The following LNX1 variants were observed in gnomAD, a reference collection of about 807,000 sequenced individuals.
LNX1 encodes the protein E3 ubiquitin-protein ligase LNX.
In LNX1, 54 loss-of-function variants were observed where a neutral mutation model predicts 68.4. The observed-to-expected ratio is 0.79, with a 90% CI of 0.63 to 0.99. LNX1 has a LOEUF of 0.99. Among genes scored for constraint, LNX1 ranks in the 50% least tolerant of loss-of-function variants. The probability of loss-of-function intolerance (pLI) is 0.00; values close to 1 mark genes in which losing one functional copy is unlikely to be tolerated. For missense variants in LNX1, 906 were observed against 926.4 expected (o/e 0.98, Z 0.29); for synonymous variants, 336 against 350.0 (o/e 0.96, Z 0.45).
At chr4:53,472,968 A>C (rs1441640519) in intron 9 of LNX1, among the ~76,000 whole-genome samples, 1 of 152,226 alleles carries the variant, frequency 6.6e-6, no homozygotes, top group Non-Finnish European at 1.5e-5. Context: ...GCCAAGTAGA[A>C]AGAAGTTTTT....
At chr4:53,480,576 A>G (rs1204155231) in intron 7 of LNX1, among the ~76,000 whole-genome samples, 1 of 152,210 alleles carries the variant, frequency 6.6e-6, no homozygotes, top group Admixed American at 6.5e-5. Context: ...GACATCACGG[A>G]GTCCTTATCC....
At chr4:53,511,522 C>T (rs531336204) in intron 2 of LNX1, among the ~76,000 whole-genome samples, 28 of 152,260 alleles carry the variant, frequency 1.8e-4, no homozygotes, top group Admixed American at 1.6e-3. Context: ...TCAACCAAAG[C>T]ACAAGCTTTG....
chr4:53,508,911 T>C (rs1365409505), intron 2 of LNX1, among the ~76,000 whole-genome samples: 2 of 149,722 alleles, frequency 1.3e-5, no homozygotes, highest in African/African-American at 4.9e-5. Flanking sequence ...AAAAACATAT[T>C]TGTCTCTACC....
At chr4:53,535,461 CAA>C (rs1480320335) in intron 2 of LNX1, among the ~76,000 whole-genome samples, 1 of 152,184 alleles carries the variant, frequency 6.6e-6, no homozygotes, top group Non-Finnish European at 1.5e-5. Context: ...GGGTACATGA[CAA>C]ATCAATCTAA....
chr4:53,595,452 T>A (rs1732705688), upstream of LNX1, among the ~76,000 whole-genome samples: 1 of 152,190 alleles, frequency 6.6e-6, no homozygotes, highest in Admixed American at 6.5e-5. Flanking sequence ...ATCTTGGGCA[T>A]GGGGTAATTT....
At chr4:53,478,353 G>A (rs981993956) in intron 8 of LNX1, among the ~76,000 whole-genome samples, 1 of 151,420 alleles carries the variant, frequency 6.6e-6, no homozygotes, top group Non-Finnish European at 1.5e-5. Context: ...GGAGATTCTA[G>A]CTTTACTTGC....
intron 2 of LNX1, among the ~76,000 whole-genome samples, chr4:53,557,345 G>C (rs1023007374): frequency 7.9e-5 from 12 of 152,102 alleles, no homozygotes; most frequent in African/African-American, 2.9e-4. Flanking sequence ...GGTGCTCAAG[G>C]CATGTTTCTT....
intron 2 of LNX1, among the ~76,000 whole-genome samples, chr4:53,527,485 A>G (rs1727704024): frequency 6.6e-6 from 1 of 151,958 alleles, no homozygotes; most frequent in Admixed American, 6.5e-5. Context: ...CCTGGTGCTG[A>G]CTCTGTTATT....
chr4:53,504,136 C>T (rs1372965579), intron 4 of LNX1, among the ~76,000 whole-genome samples: 4 of 151,820 alleles, frequency 2.6e-5, no homozygotes, highest in African/African-American at 9.7e-5. Context: ...GAGACTCCGT[C>T]TCAAAAAAAA....
chr4:53,555,533 T>G (rs1041610377), intron 2 of LNX1, among the ~76,000 whole-genome samples: 2 of 152,192 alleles, frequency 1.3e-5, no homozygotes, highest in Admixed American at 1.3e-4. Flanking sequence ...ATATCTCTTA[T>G]GTGTATAAAT....
rs754249617 is a variant in LNX1, at chr4:53,573,653, C to T, written c.350G>A (p.Arg117His). 1.2e-5 allele frequency: 20 copies of T among 1,604,910 alleles called. No homozygotes were observed. The highest frequency in any genetic ancestry group is 1.6e-4 in the Middle Eastern group (1 of 6,072). ...TTGAAAGTGATGCTCGAGGTCACAG[C>T]GCTGCAACACCTGGGTGCAGTGCTC... ...FREHCTQVLQ[R>H]CDLEHHFQTS... The change falls in exon 2 of 11, where the codon CGC (arginine) becomes CAC (histidine). Residue 117 changes from arginine (R) to histidine (H), a missense_variant. Physicochemically the swap from Arg to His is conservative, Grantham distance 29 (BLOSUM62 0). Transcript: ENST00000263925.
At chr4:53,638,754 C>T (rs899600354) in intron 1 of LNX1, among the ~76,000 whole-genome samples, 8 of 152,118 alleles carry the variant, frequency 5.3e-5, no homozygotes, top group African/African-American at 1.7e-4. Context: ...TGAGTTATAG[C>T]GCTGTTGGCC....
At chr4:53,483,165 C>T (rs1185014318) in intron 6 of LNX1, among the ~76,000 whole-genome samples, 2 of 152,116 alleles carry the variant, frequency 1.3e-5, no homozygotes, top group African/African-American at 4.8e-5. Flanking sequence ...TAGTAAGTCT[C>T]ACGAGATCTG....
intron 2 of LNX1, among the ~76,000 whole-genome samples, chr4:53,605,591 T>G (rs1448561587): frequency 6.6e-6 from 1 of 152,208 alleles, no homozygotes; most frequent in Non-Finnish European, 1.5e-5. Flanking sequence ...CCCTGTCCTC[T>G]CACCCCCACA....
At position 53,573,869 on chromosome 4, in the gene LNX1, A is replaced by C. The variant is rs753026832; in HGVS notation, c.134T>G (p.Leu45Arg). The C allele has an allele frequency of 1.2e-6, 2 of 1,613,734 alleles. No individual in the cohort carries two copies. The highest frequency in any genetic ancestry group is 1.7e-5 in the Admixed American group (1 of 59,992). ...VDDDLICHIC[L>R]QALLDPLDTP... is the part of the protein sequence containing the mutation. ...GTCCAGGGGGTCCAGCAAAGCCTGC[A>C]GGCAGATGTGGCAGATGAGGTCATC... The change falls in exon 2 of 11, where the codon CTG (leucine) becomes CGG (arginine). Residue 45 changes from leucine to arginine, a missense_variant. Coordinates refer to ENST00000263925, the MANE Select transcript of LNX1 (RefSeq NM_001126328.3).
chr4:53,498,306 T>G (rs1725217757), intron 5 of LNX1, among the ~76,000 whole-genome samples: 1 of 151,412 alleles, frequency 6.6e-6, no homozygotes, highest in Admixed American at 6.6e-5. Flanking sequence ...AAAAAAGAGA[T>G]AAAAGGAGAA....
intron 1 of LNX1, among the ~76,000 whole-genome samples, chr4:53,576,990 T>C (rs774312970): frequency 2.0e-5 from 3 of 152,240 alleles, no homozygotes; most frequent in Admixed American, 6.5e-5. Context: ...ATGCCCTTAA[T>C]ATAAAAACAT....
At chr4:53,525,138 A>G (rs1472660588) in intron 2 of LNX1, among the ~76,000 whole-genome samples, 2 of 151,902 alleles carry the variant, frequency 1.3e-5, no homozygotes, top group Non-Finnish European at 2.9e-5. Context: ...TCCCCAAACT[A>G]CTCATGGTGG....
chr4:53,507,958 T>C (rs762269969), intron 3 of LNX1, 28 bp downstream of exon 3: 11 of 1,601,902 alleles, frequency 6.9e-6, no homozygotes, highest in South Asian at 6.6e-5. Flanking sequence ...AAGGAGCCCA[T>C]TCCCGGACAA....
Sources: allele counts gnomAD v4.1 joint callset (sites outside exome capture counted in the v4.1 genomes callset), GRCh38; gene constraint gnomAD v4.1.1; transcripts MANE v1.5; gene names NCBI Gene and HGNC (gene_info 2026-07-23, HGNC 2026-07-21).